GALNT17: variants seen among roughly 807,000 people sequenced by gnomAD.
GALNT17 encodes polypeptide N-acetylgalactosaminyltransferase 17, also known as UDP-GalNAc:polypeptide N-acetylgalactosaminyltransferase-like 3.
Under a neutral mutation model 63.7 loss-of-function variants are expected in GALNT17, and 29 were observed. That is an observed-to-expected ratio of 0.46 (90% CI 0.34 to 0.62). The LOEUF is 0.62. Among genes scored for constraint, GALNT17 ranks in the 20% least tolerant of loss-of-function variants. GALNT17 has a pLI of 0.01. For missense variants in GALNT17, 603 were observed against 799.6 expected (o/e 0.75, Z 2.97); for synonymous variants, 305 against 318.3 (o/e 0.96, Z 0.45).
intron 5 of GALNT17, among the ~76,000 whole-genome samples, chr7:71,561,723 G>C (rs1192102063): frequency 6.6e-6 from 1 of 152,136 alleles, no homozygotes; most frequent in Non-Finnish European, 1.5e-5. Context: ...GAGATGACAG[G>C]TGTCAGGGAA....
intron 6 of GALNT17, among the ~76,000 whole-genome samples, chr7:71,655,715 A>C (rs1300331836): frequency 6.6e-6 from 1 of 152,180 alleles, no homozygotes; most frequent in African/African-American, 2.4e-5. Flanking sequence ...CTCTTGCTAG[A>C]GAACATCTCC....
chr7:71,469,190 C>G (rs548008507), intron 5 of GALNT17, among the ~76,000 whole-genome samples: 1 of 152,182 alleles, frequency 6.6e-6, no homozygotes, highest in South Asian at 2.1e-4. Context: ...CCAATGACTG[C>G]AAGGAAGTCA....
intron 1 of GALNT17, among the ~76,000 whole-genome samples, chr7:71,180,084 C>T (rs1034694977): frequency 6.6e-6 from 1 of 152,068 alleles, no homozygotes. Flanking sequence ...TATGTTTACA[C>T]CTTGAAGCCT....
intron 1 of GALNT17, among the ~76,000 whole-genome samples, chr7:71,204,938 G>A (rs1056805753): frequency 1.1e-4 from 17 of 151,760 alleles, no homozygotes; most frequent in Middle Eastern, 3.2e-3. Context: ...TAGAGACGGG[G>A]TTTCACCATG....
chr7:71,148,860 T>TTATATATATATATATATATATATATA (rs59163644), intron 1 of GALNT17, among the ~76,000 whole-genome samples: 5 of 103,252 alleles, frequency 4.8e-5, no homozygotes, highest in African/African-American at 7.9e-5. Context: ...TATGGTATTT[T>TTATATATATATATATATATATATATA]TATATATATA....
At chr7:71,413,383 T>A (rs1020421093) in intron 3 of GALNT17, among the ~76,000 whole-genome samples, 1 of 152,064 alleles carries the variant, frequency 6.6e-6, no homozygotes, top group African/African-American at 2.4e-5. Context: ...ATTTTTTTTT[T>A]AGGCAGAGTT....
At chr7:71,544,466 A>G (rs952896883) in intron 5 of GALNT17, among the ~76,000 whole-genome samples, 1 of 152,088 alleles carries the variant, frequency 6.6e-6, no homozygotes, top group Non-Finnish European at 1.5e-5. Flanking sequence ...CGCCTACCCT[A>G]AAGGATAAAG....
At chr7:71,489,279 C>T (rs1031462957) in intron 5 of GALNT17, among the ~76,000 whole-genome samples, 4 of 152,082 alleles carry the variant, frequency 2.6e-5, no homozygotes, top group Non-Finnish European at 4.4e-5. Context: ...ATGGGTCAGC[C>T]GGACACCTAC....
rs75543847 is a variant in GALNT17 at position 71,533,932 on chromosome 7, G to A, written c.963-37353G>A. 6.6e-3 allele frequency among the ~76,000 whole-genome samples: 1,001 copies of A among 152,218 alleles called. 14 individuals are homozygous for A. Among genetic ancestry groups the A allele is most frequent in the African/African-American group, 0.023 (965 of 41,530 alleles). ...CAGGTGGTCAGATGAGGGGTCTGGC[G>A]TCTCTTTAAATCATGTGTGGCAAAA... On this transcript the variant is annotated intron_variant, in intron 5 of 10. Coordinates refer to ENST00000333538, the MANE Select transcript of GALNT17 (RefSeq NM_022479.3).
At chr7:71,192,554 C>T (rs1262385580) in intron 1 of GALNT17, among the ~76,000 whole-genome samples, 1 of 151,976 alleles carries the variant, frequency 6.6e-6, no homozygotes, top group African/African-American at 2.4e-5. Context: ...TGCCACTATG[C>T]CTGGCTAATT....
intron 5 of GALNT17, among the ~76,000 whole-genome samples, chr7:71,491,745 C>G (rs1788012509): frequency 6.6e-6 from 1 of 152,160 alleles, no homozygotes; most frequent in Non-Finnish European, 1.5e-5. Context: ...AGGTCAGGAG[C>G]AGGCCTGAGA....
intron 6 of GALNT17, among the ~76,000 whole-genome samples, chr7:71,627,703 A>G (rs1368345046): frequency 6.6e-6 from 1 of 152,144 alleles, no homozygotes; most frequent in Non-Finnish European, 1.5e-5. Context: ...TCATTGTCAT[A>G]CCCTAACTCT....
At chr7:71,263,149 G>A (rs896420725) in intron 1 of GALNT17, among the ~76,000 whole-genome samples, 20 of 152,102 alleles carry the variant, frequency 1.3e-4, no homozygotes, top group African/African-American at 4.6e-4. Flanking sequence ...CTTGAGGTCA[G>A]GAGATTGAGA....
At chr7:71,194,275 C>T (rs891647690) in intron 1 of GALNT17, among the ~76,000 whole-genome samples, 5 of 152,186 alleles carry the variant, frequency 3.3e-5, no homozygotes, top group African/African-American at 1.2e-4. Context: ...GGTTTAGGAA[C>T]TTGCCCCAGG....
chr7:71,707,525 C>T (rs564543421), intron 9 of GALNT17, among the ~76,000 whole-genome samples: 2 of 152,156 alleles, frequency 1.3e-5, no homozygotes, highest in African/African-American at 4.8e-5. Context: ...TACCCCAAAA[C>T]GTAGTGGCTT....
chr7:71,192,146 A>G (rs1258681909), intron 1 of GALNT17, among the ~76,000 whole-genome samples: 1 of 152,138 alleles, frequency 6.6e-6, no homozygotes, highest in East Asian at 1.9e-4. Context: ...GAGAAAGATG[A>G]AGGCCGGAAG....
intron 5 of GALNT17, among the ~76,000 whole-genome samples, chr7:71,562,345 T>G (rs527349928): frequency 6.6e-6 from 1 of 152,306 alleles, no homozygotes; most frequent in African/African-American, 2.4e-5. Context: ...CACTCATTGA[T>G]GTACAACACA....
At chr7:71,309,794 T>C (rs1363495313) in intron 1 of GALNT17, among the ~76,000 whole-genome samples, 1 of 152,180 alleles carries the variant, frequency 6.6e-6, no homozygotes, top group Non-Finnish European at 1.5e-5. Context: ...TTGCCAGAAA[T>C]GTTTAGAATA....
At chr7:71,576,001 A>G (rs1044253993) in intron 6 of GALNT17, among the ~76,000 whole-genome samples, 10 of 152,246 alleles carry the variant, frequency 6.6e-5, no homozygotes, top group Non-Finnish European at 1.2e-4. Context: ...AACTATTAAC[A>G]AAGGGTATTA....
Sources: allele counts gnomAD v4.1 joint callset (sites outside exome capture counted in the v4.1 genomes callset), GRCh38; gene constraint gnomAD v4.1.1; transcripts MANE v1.5; gene names NCBI Gene and HGNC (gene_info 2026-07-23, HGNC 2026-07-21).